Variants in GRIA4 observed in about 807,000 individuals in gnomAD.
GRIA4 encodes the protein glutamate ionotropic receptor AMPA type subunit 4, also known as glutamate receptor 4.
GRIA4 carries 34 observed loss-of-function variants against 104.0 expected under a neutral mutation model. That is an observed-to-expected ratio of 0.33 (90% confidence interval 0.25 to 0.44). The LOEUF is 0.44. Ranked by LOEUF, GRIA4 falls within the 20% of genes least tolerant of loss-of-function variation. GRIA4 has a pLI of 1.00. For missense variants in GRIA4, 750 were observed against 1,096.5 expected (o/e 0.68, Z 4.46); for synonymous variants, 386 against 381.9 (o/e 1.01, Z -0.13).
intron 6 of GRIA4, among the ~76,000 whole-genome samples, chr11:105,897,007 T>C (rs1946673264): frequency 6.6e-6 from 1 of 152,166 alleles, no homozygotes; most frequent in African/African-American, 2.4e-5. Context: ...GGCAATGTAA[T>C]CATTTTAATG....
At chr11:105,714,747 A>G (rs1385089685) in intron 3 of GRIA4, among the ~76,000 whole-genome samples, 1 of 152,114 alleles carries the variant, frequency 6.6e-6, no homozygotes, top group Non-Finnish European at 1.5e-5. Flanking sequence ...ATTATACTGA[A>G]CAGAATAATT....
intron 3 of GRIA4, among the ~76,000 whole-genome samples, chr11:105,677,085 A>G (rs888830485): frequency 2.6e-5 from 4 of 151,926 alleles, no homozygotes; most frequent in Admixed American, 6.6e-5. Flanking sequence ...ATAAATAAAT[A>G]TGAGTGAAAG....
In GRIA4 at chr11:105,910,466, T is replaced by C; in HGVS notation, c.1190T>C (p.Val397Ala). ...TACTGGAATGATATGGATAAGTTAGTCTTGATTCAAGATGTACCAACTCTT... is the reference window on the plus strand; with the variant it reads ...TACTGGAATGATATGGATAAGTTAGCCTTGATTCAAGATGTACCAACTCTT... ...VGYWNDMDKL[V>A]LIQDVPTLGN... The change falls in exon 10 of 17, where the codon GTC becomes GCC. Residue 397 changes from valine (V) to alanine (A), a missense_variant. Physicochemically the swap from Val to Ala is moderately conservative, Grantham distance 64. Transcript: ENST00000282499. 1.9e-6 allele frequency: 3 copies of C among 1,594,562 alleles called. No homozygotes were observed. Among genetic ancestry groups the C allele is most frequent in the Non-Finnish European group, 2.6e-6 (3 of 1,162,272 alleles).
At chr11:105,953,363 T>G (rs1948504425) in intron 14 of GRIA4, among the ~76,000 whole-genome samples, 1 of 152,218 alleles carries the variant, frequency 6.6e-6, no homozygotes, top group African/African-American at 2.4e-5. Flanking sequence ...TCAGCTTTTT[T>G]GCTTACTTGC....
At chr11:105,785,490 T>A (rs778512095) in intron 4 of GRIA4, among the ~76,000 whole-genome samples, 1 of 152,190 alleles carries the variant, frequency 6.6e-6, no homozygotes, top group Admixed American at 6.5e-5. Flanking sequence ...AAAGTACCAA[T>A]GGGCATCAAT....
At chr11:105,907,547 A>G (rs1947085230) in intron 9 of GRIA4, among the ~76,000 whole-genome samples, 1 of 152,036 alleles carries the variant, frequency 6.6e-6, no homozygotes, top group Admixed American at 6.5e-5. Flanking sequence ...GAAAACTGAT[A>G]GAGAGTCTCA....
At chr11:105,872,195 A>C (rs937757346) in intron 5 of GRIA4, among the ~76,000 whole-genome samples, 1 of 152,118 alleles carries the variant, frequency 6.6e-6, no homozygotes, top group Non-Finnish European at 1.5e-5. Flanking sequence ...TTGGCTGTAA[A>C]ACACTTTGAA....
chr11:105,665,809 G>A (rs1022172470), intron 3 of GRIA4, among the ~76,000 whole-genome samples: 2 of 151,954 alleles, frequency 1.3e-5, no homozygotes, highest in African/African-American at 4.8e-5. Context: ...CTATTTGTGA[G>A]ACACTTCCTT....
At chr11:105,659,362 A>G (rs1163850812) in intron 3 of GRIA4, among the ~76,000 whole-genome samples, 4 of 152,010 alleles carry the variant, frequency 2.6e-5, no homozygotes, top group Admixed American at 2.6e-4. Flanking sequence ...GGAAAGGTTT[A>G]TCTCACTGTT....
chr11:105,977,637 C>T (rs970442348), intron 16 of GRIA4, among the ~76,000 whole-genome samples: 1 of 151,990 alleles, frequency 6.6e-6, no homozygotes, highest in East Asian at 1.9e-4. Context: ...AAAGATTACA[C>T]TAGAAAGTTA....
chr11:105,857,024 C>T (rs903727468), intron 4 of GRIA4, among the ~76,000 whole-genome samples: 5 of 152,140 alleles, frequency 3.3e-5, no homozygotes, highest in East Asian at 1.9e-4. Flanking sequence ...TTTTGAACTA[C>T]GGCATAAATA....
At chr11:105,684,164 G>T (rs1027913603) in intron 3 of GRIA4, among the ~76,000 whole-genome samples, 1 of 152,076 alleles carries the variant, frequency 6.6e-6, no homozygotes, top group Non-Finnish European at 1.5e-5. Context: ...TTGAGCCACT[G>T]CGCCGGGCCA....
At chr11:105,658,299 T>C (rs1951905203) in intron 3 of GRIA4, among the ~76,000 whole-genome samples, 1 of 151,864 alleles carries the variant, frequency 6.6e-6, no homozygotes, top group Admixed American at 6.6e-5. Flanking sequence ...AAAGATAAGA[T>C]GAATTTTTGT....
intron 4 of GRIA4, among the ~76,000 whole-genome samples, chr11:105,778,693 A>C (rs977775343): frequency 1.3e-5 from 2 of 152,184 alleles, no homozygotes; most frequent in Non-Finnish European, 2.9e-5. Flanking sequence ...CGACAGAGCA[A>C]GACTACATCT....
intron 3 of GRIA4, among the ~76,000 whole-genome samples, chr11:105,666,383 G>C (rs772349744): frequency 6.6e-6 from 1 of 151,832 alleles, no homozygotes; most frequent in African/African-American, 2.4e-5. Flanking sequence ...GTAAGGAAAA[G>C]ACAAGTAAAT....
chr11:105,665,357 C>A (rs756542810), intron 3 of GRIA4, among the ~76,000 whole-genome samples: 20 of 151,790 alleles, frequency 1.3e-4, no homozygotes, highest in Non-Finnish European at 2.2e-4. Flanking sequence ...GAAACTGAGC[C>A]CCTGAAAGTT....
intron 12 of GRIA4, 54 bp from the exon 13 acceptor site, chr11:105,926,687 T>G (rs1460176479): frequency 1.9e-6 from 2 of 1,076,444 alleles, no homozygotes; most frequent in African/African-American, 3.1e-5. Context: ...ATTTCTTTTC[T>G]TTCTCTATGT....
intron 4 of GRIA4, among the ~76,000 whole-genome samples, chr11:105,842,591 C>T (rs117903605): frequency 2.0e-3 from 297 of 152,240 alleles, no homozygotes; most frequent in South Asian, 4.6e-3. Flanking sequence ...AACCACTTTT[C>T]ACATTGCTCA....
intron 3 of GRIA4, among the ~76,000 whole-genome samples, chr11:105,652,454 A>G (rs1386024374): frequency 1.3e-5 from 2 of 152,198 alleles, no homozygotes; most frequent in East Asian, 1.9e-4. Flanking sequence ...AGGACACTCA[A>G]CTTTGACTCT....
Sources: gnomAD v4.1 joint callset for allele counts (sites outside exome capture counted in the v4.1 genomes callset) on GRCh38, gnomAD v4.1.1 for gene constraint, MANE v1.5 for transcripts, NCBI Gene and HGNC (gene_info 2026-07-23, HGNC 2026-07-21) for gene names.